The following SPIDR variants were observed in gnomAD, a reference collection of about 807,000 sequenced individuals.
SPIDR encodes scaffold protein involved in DNA repair.
SPIDR carries 93 observed loss-of-function variants against 104.6 expected under a neutral mutation model. The observed-to-expected ratio is 0.89, with a 90% CI of 0.75 to 1.06. The LOEUF is 1.06. Among genes scored for constraint, SPIDR ranks in the 50% least tolerant of loss-of-function variants. The probability of loss-of-function intolerance (pLI) is 0.00; values close to 1 mark genes in which losing one functional copy is unlikely to be tolerated. For synonymous variants in SPIDR, 431 were observed against 416.9 expected (o/e 1.03, Z -0.41); for missense variants, 1,154 against 1,111.2 (o/e 1.04, Z -0.55).
chr8:47,333,014 A>G (rs754552119), intron 5 of SPIDR, among the ~76,000 whole-genome samples: 5 of 150,776 alleles, frequency 3.3e-5, no homozygotes, highest in Admixed American at 6.6e-5. Context: ...ATTAGATCCC[A>G]TTTGTCAATT....
intron 7 of SPIDR, among the ~76,000 whole-genome samples, chr8:47,431,339 T>C (rs1442070407): frequency 2.0e-5 from 3 of 152,208 alleles, no homozygotes; most frequent in Non-Finnish European, 2.9e-5. Flanking sequence ...GACTTCAACA[T>C]AGGAATTTTG....
At chr8:47,577,839 CAA>C (rs1319575367) in intron 8 of SPIDR, among the ~76,000 whole-genome samples, 5 of 152,158 alleles carry the variant, frequency 3.3e-5, no homozygotes, top group Admixed American at 6.5e-5. Context: ...CCTGCTGAAT[CAA>C]AGTCTGGAGG....
At chr8:47,373,151 A>G (rs1210287531) in intron 5 of SPIDR, among the ~76,000 whole-genome samples, 1 of 152,212 alleles carries the variant, frequency 6.6e-6, no homozygotes, top group Non-Finnish European at 1.5e-5. Flanking sequence ...TCTTCAGTTC[A>G]CCAGAGAAGT....
intron 7 of SPIDR, among the ~76,000 whole-genome samples, chr8:47,420,361 A>G (rs979499764): frequency 3.3e-5 from 5 of 151,984 alleles, no homozygotes; most frequent in African/African-American, 9.7e-5. Context: ...TCCCTTTACC[A>G]TTATGTAATG....
At chr8:47,482,721 G>A (rs1428822533) in intron 8 of SPIDR, among the ~76,000 whole-genome samples, 1 of 152,170 alleles carries the variant, frequency 6.6e-6, no homozygotes, top group Non-Finnish European at 1.5e-5. Flanking sequence ...AAAAGAAGTT[G>A]GCAAGATATG....
intron 9 of SPIDR, 71 bp from the exon 10 acceptor site, chr8:47,598,875 A>T: frequency 6.3e-7 from 1 of 1,585,590 alleles, no homozygotes; most frequent in Non-Finnish European, 8.6e-7. Context: ...GGTGTGCAGC[A>T]TGTTGCTTGT....
At chr8:47,679,817 T>G (rs1395879024) in intron 11 of SPIDR, among the ~76,000 whole-genome samples, 3 of 152,262 alleles carry the variant, frequency 2.0e-5, no homozygotes, top group Non-Finnish European at 4.4e-5. Context: ...GTTGGTAGGC[T>G]CCCTCAGGGC....
intron 4 of SPIDR, among the ~76,000 whole-genome samples, chr8:47,293,636 C>T (rs899913203): frequency 2.0e-5 from 3 of 152,098 alleles, no homozygotes; most frequent in African/African-American, 7.2e-5. Flanking sequence ...TTAATAGAGA[C>T]AGCATTTCAT....
chr8:47,435,282 G>A (rs1213318511), intron 7 of SPIDR, among the ~76,000 whole-genome samples: 4 of 152,046 alleles, frequency 2.6e-5, no homozygotes, highest in Non-Finnish European at 4.4e-5. Context: ...CCAAAGTGCC[G>A]GGGTTACAGG....
At position 47,352,234 on chromosome 8, in the gene SPIDR, G is replaced by A. The variant is rs565598369; in HGVS notation, c.526-44142G>A. Among the ~76,000 whole-genome samples, 82 of 149,206 alleles carry A rather than the reference G, an allele frequency of 5.5e-4. 1 individual carries two copies. Among genetic ancestry groups the A allele is most frequent in the African/African-American group, 1.9e-3 (77 of 40,604 alleles). ...GGAGGTCGCAGTGAGCCAAGATCGC[G>A]CTACTACACTCCAGCCTGGTGACAG... On this transcript the variant is annotated intron_variant, in intron 5 of 19. Coordinates refer to ENST00000297423, the MANE Select transcript of SPIDR (RefSeq NM_001080394.4).
At chr8:47,726,250 G>T (rs935411566) in intron 16 of SPIDR, among the ~76,000 whole-genome samples, 3 of 152,192 alleles carry the variant, frequency 2.0e-5, no homozygotes, top group Non-Finnish European at 2.9e-5. Context: ...TGCATTGCAT[G>T]AATGCACTTT....
chr8:47,303,085 C>G (rs893502754), intron 5 of SPIDR, among the ~76,000 whole-genome samples: 15 of 152,180 alleles, frequency 9.9e-5, no homozygotes, highest in South Asian at 6.2e-4. Context: ...AGCTGTGGTG[C>G]GCTCCACCCA....
chr8:47,492,294 T>C (rs531361582), intron 8 of SPIDR, among the ~76,000 whole-genome samples: 1 of 152,252 alleles, frequency 6.6e-6, no homozygotes, highest in East Asian at 1.9e-4. Flanking sequence ...ATAATTTTAT[T>C]CTTCCCAAGG....
At chr8:47,343,370 G>A (rs2051157763) in intron 5 of SPIDR, among the ~76,000 whole-genome samples, 1 of 152,166 alleles carries the variant, frequency 6.6e-6, no homozygotes, top group South Asian at 2.1e-4. Flanking sequence ...ACATGTGCTA[G>A]ATACTCACTA....
intron 16 of SPIDR, among the ~76,000 whole-genome samples, chr8:47,723,033 T>C (rs193216154): frequency 0.013 from 1,934 of 152,084 alleles, 138 homozygotes; most frequent in Admixed American, 0.11. Flanking sequence ...TTATTGTTGT[T>C]GTTGTTGTTG....
At chr8:47,602,706 A>G (rs1185837033) in intron 10 of SPIDR, among the ~76,000 whole-genome samples, 1 of 152,194 alleles carries the variant, frequency 6.6e-6, no homozygotes, top group Non-Finnish European at 1.5e-5. Flanking sequence ...GTAACAGCTT[A>G]TCTTCTGAAA....
intron 8 of SPIDR, among the ~76,000 whole-genome samples, chr8:47,456,338 G>A (rs1462800492): frequency 2.0e-5 from 3 of 152,094 alleles, no homozygotes; most frequent in African/African-American, 7.2e-5. Context: ...AATAAACCAG[G>A]CCTACTTAAC....
chr8:47,552,373 T>C (rs2090647344), intron 8 of SPIDR, among the ~76,000 whole-genome samples: 1 of 152,200 alleles, frequency 6.6e-6, no homozygotes, highest in African/African-American at 2.4e-5. Flanking sequence ...CAGTGGGGTG[T>C]TAAAGTCTCC....
At chr8:47,361,208 A>G (rs2055836791) in intron 5 of SPIDR, among the ~76,000 whole-genome samples, 1 of 152,168 alleles carries the variant, frequency 6.6e-6, no homozygotes, top group Non-Finnish European at 1.5e-5. Context: ...ATGGAGCATC[A>G]GGAGGAGGAA....
Sources: gnomAD v4.1 joint callset for allele counts (sites outside exome capture counted in the v4.1 genomes callset) on GRCh38, gnomAD v4.1.1 for gene constraint, MANE v1.5 for transcripts, NCBI Gene and HGNC (gene_info 2026-07-23, HGNC 2026-07-21) for gene names.